The following LINGO2 variants were observed in gnomAD, a reference collection of about 807,000 sequenced individuals.
LINGO2 encodes the protein leucine-rich repeat and immunoglobulin-like domain-containing nogo receptor-interacting protein 2.
In LINGO2, 14 loss-of-function variants were observed where a neutral mutation model predicts 30.6. The observed-to-expected ratio is 0.46, with a 90% CI of 0.30 to 0.72. The LOEUF is 0.72. LINGO2 is among the 30% of genes least tolerant of loss of function. The probability of loss-of-function intolerance (pLI) is 0.07; values close to 1 mark genes in which losing one functional copy is unlikely to be tolerated. For synonymous variants in LINGO2, 317 were observed against 288.5 expected, an observed-to-expected ratio of 1.10 and a Z score of -1.00; for missense variants, 729 against 751.7, an observed-to-expected ratio of 0.97 and a Z score of 0.35.
At chr9:28,898,674 A>C in the LINGO2 span, among the ~76,000 whole-genome samples, 1 of 152,096 alleles carries the variant, frequency 6.6e-6, no homozygotes, top group Non-Finnish European at 1.5e-5. Flanking sequence ...CTCCAAATAC[A>C]GTTGTTATTT....
the LINGO2 span, among the ~76,000 whole-genome samples, chr9:29,071,323 C>A: frequency 6.6e-6 from 1 of 150,580 alleles, no homozygotes; most frequent in South Asian, 2.1e-4. Context: ...TCCCAAGTAC[C>A]TAGAATTATA....
the LINGO2 span, among the ~76,000 whole-genome samples, chr9:29,052,335 A>G: frequency 2.9e-4 from 44 of 152,178 alleles, no homozygotes; most frequent in Non-Finnish European, 5.4e-4. Context: ...TTCTATGATG[A>G]GATCATTGCT....
chr9:28,297,909 G>A (rs1182093500), intron 3 of LINGO2, among the ~76,000 whole-genome samples: 1 of 152,220 alleles, frequency 6.6e-6, no homozygotes, highest in Non-Finnish European at 1.5e-5. Context: ...AGACTTTTGT[G>A]TGTGCGGGGG....
the LINGO2 span, among the ~76,000 whole-genome samples, chr9:29,085,578 T>C: frequency 6.6e-6 from 1 of 151,984 alleles, no homozygotes; most frequent in African/African-American, 2.4e-5. Context: ...AAGCAGAACC[T>C]CTAATAGTTT....
At chr9:28,168,669 C>T (rs887571283) in intron 4 of LINGO2, among the ~76,000 whole-genome samples, 9 of 152,206 alleles carry the variant, frequency 5.9e-5, no homozygotes, top group South Asian at 2.1e-4. Context: ...AGACATATGA[C>T]GCATATTGCT....
intron 4 of LINGO2, among the ~76,000 whole-genome samples, chr9:28,060,137 A>C (rs1563951419): frequency 6.6e-6 from 1 of 152,122 alleles, no homozygotes; most frequent in Non-Finnish European, 1.5e-5. Context: ...CAAAATGAAA[A>C]CTCAAAACAT....
At chr9:28,561,774 TATATATAAAA>T (rs1170359000) in intron 1 of LINGO2, among the ~76,000 whole-genome samples, 1 of 117,718 alleles carries the variant, frequency 8.5e-6, no homozygotes, top group African/African-American at 3.8e-5. Flanking sequence ...TATATATATA[TATATATAAAA>T]AATATGCTAC....
chr9:28,344,195 T>G (rs1393929314), intron 3 of LINGO2, among the ~76,000 whole-genome samples: 1 of 152,094 alleles, frequency 6.6e-6, no homozygotes, highest in African/African-American at 2.4e-5. Flanking sequence ...ACAAATTTCA[T>G]TTAATAACAG....
upstream of LINGO2, among the ~76,000 whole-genome samples, chr9:28,673,667 G>GATC (rs139919509): frequency 0.015 from 2,166 of 147,142 alleles, 23 homozygotes; most frequent in African/African-American, 0.032. Flanking sequence ...ACTCTGTCTC[G>GATC]ATCATCATCA....
chr9:29,066,782 T>A, the LINGO2 span, among the ~76,000 whole-genome samples: 1 of 151,912 alleles, frequency 6.6e-6, no homozygotes, highest in African/African-American at 2.4e-5. Context: ...AGTATGATCA[T>A]TGTCTTAATA....
chr9:28,779,418 T>G, the LINGO2 span, among the ~76,000 whole-genome samples: 881 of 152,286 alleles, frequency 5.8e-3, 5 homozygotes, highest in Admixed American at 0.013. Flanking sequence ...ACAGTTCAGA[T>G]TGCAAAACAT....
intron 4 of LINGO2, among the ~76,000 whole-genome samples, chr9:28,273,500 C>T (rs982199406): frequency 2.6e-5 from 4 of 152,134 alleles, no homozygotes; most frequent in Non-Finnish European, 5.9e-5. Flanking sequence ...TCCCAAAGTC[C>T]GAAAATGCCC....
intron 3 of LINGO2, among the ~76,000 whole-genome samples, chr9:28,364,816 A>G (rs1307247951): frequency 6.6e-6 from 1 of 152,196 alleles, no homozygotes; most frequent in African/African-American, 2.4e-5. Flanking sequence ...TCTTTGTTTA[A>G]TCACTAATTT....
intron 3 of LINGO2, among the ~76,000 whole-genome samples, chr9:28,339,978 C>G (rs540412756): frequency 6.6e-6 from 1 of 152,264 alleles, no homozygotes; most frequent in Admixed American, 6.5e-5. Context: ...GGCCACTTCC[C>G]CTCCATTATC....
At chr9:29,107,326 A>G in the LINGO2 span, among the ~76,000 whole-genome samples, 3 of 152,160 alleles carry the variant, frequency 2.0e-5, no homozygotes, top group African/African-American at 7.2e-5. Context: ...AAGTAATTGA[A>G]AAATAATATT....
the LINGO2 span, among the ~76,000 whole-genome samples, chr9:28,997,114 G>C: frequency 1.3e-5 from 2 of 152,024 alleles, no homozygotes; most frequent in Admixed American, 1.3e-4. Context: ...TTTTTGTTTG[G>C]AAGTCAAGAG....
At chr9:29,039,852 G>C in the LINGO2 span, among the ~76,000 whole-genome samples, 4 of 152,050 alleles carry the variant, frequency 2.6e-5, no homozygotes, top group African/African-American at 9.7e-5. Context: ...AGCAACGGTA[G>C]GACAGGCACT....
chr9:28,495,582 G>GT (rs1369767564), intron 1 of LINGO2, among the ~76,000 whole-genome samples: 2 of 152,076 alleles, frequency 1.3e-5, no homozygotes, highest in Non-Finnish European at 2.9e-5. Flanking sequence ...CTATATCTCT[G>GT]TTTTGATACC....
intron 1 of LINGO2, among the ~76,000 whole-genome samples, chr9:28,597,791 G>A (rs1157470416): frequency 6.6e-6 from 1 of 152,304 alleles, no homozygotes; most frequent in East Asian, 1.9e-4. Context: ...TTGAGACAGA[G>A]TCTCATTCTG....
Sources: allele counts gnomAD v4.1 joint callset (sites outside exome capture counted in the v4.1 genomes callset), GRCh38; gene constraint gnomAD v4.1.1; transcripts MANE v1.5; gene names NCBI Gene and HGNC (gene_info 2026-07-23, HGNC 2026-07-21).